CSGALNACT1: variants seen among roughly 807,000 people sequenced by gnomAD.
CSGALNACT1 encodes chondroitin sulfate N-acetylgalactosaminyltransferase 1.
CSGALNACT1 carries 52 observed loss-of-function variants against 51.0 expected under a neutral mutation model. That is an observed-to-expected ratio of 1.02 (90% CI 0.82 to 1.29). The LOEUF (loss-of-function observed/expected upper bound fraction) is 1.29. Ranked by LOEUF, CSGALNACT1 falls within the 50% of genes most tolerant of loss-of-function variation. The pLI, the probability that CSGALNACT1 is intolerant of heterozygous loss-of-function variation, is 0.00. For missense variants in CSGALNACT1, 935 were observed against 679.2 expected, an observed-to-expected ratio of 1.38 and a Z score of -4.19; for synonymous variants, 341 against 254.4, an observed-to-expected ratio of 1.34 and a Z score of -3.24.
intron 1 of CSGALNACT1, among the ~76,000 whole-genome samples, chr8:19,662,477 T>G (rs2058846081): frequency 6.6e-6 from 1 of 152,220 alleles, no homozygotes; most frequent in Non-Finnish European, 1.5e-5. Context: ...GAATCAAAGT[T>G]AAACTGTTAG....
At chr8:19,742,620 T>C (rs926535157) in intron 1 of CSGALNACT1, among the ~76,000 whole-genome samples, 2 of 152,222 alleles carry the variant, frequency 1.3e-5, no homozygotes, top group Non-Finnish European at 2.9e-5. Flanking sequence ...CCTGGGAATT[T>C]TCATCATTGA....
intron 9 of CSGALNACT1, among the ~76,000 whole-genome samples, chr8:19,407,316 G>C: frequency 6.6e-6 from 1 of 152,084 alleles, no homozygotes; most frequent in East Asian, 1.9e-4. Flanking sequence ...AGTAGCTTTA[G>C]GTCTTGGACC....
At chr8:19,619,559 G>A (rs1277520563) in intron 1 of CSGALNACT1, among the ~76,000 whole-genome samples, 1 of 152,120 alleles carries the variant, frequency 6.6e-6, no homozygotes. Context: ...CAACTGAGAA[G>A]GACTGGTGCC....
At chr8:19,460,826 T>C (rs1171039476) in intron 4 of CSGALNACT1, among the ~76,000 whole-genome samples, 6 of 152,194 alleles carry the variant, frequency 3.9e-5, no homozygotes, top group Admixed American at 6.5e-5. Context: ...TTTTTTGCCT[T>C]CTGGGAGCTT....
At chr8:19,654,673 T>G (rs2058102800) in intron 1 of CSGALNACT1, among the ~76,000 whole-genome samples, 1 of 152,098 alleles carries the variant, frequency 6.6e-6, no homozygotes, top group South Asian at 2.1e-4. Flanking sequence ...GGCTCCCAAG[T>G]AGCTGGGACT....
chr8:19,629,887 G>A (rs1432937535), intron 1 of CSGALNACT1, among the ~76,000 whole-genome samples: 1 of 152,286 alleles, frequency 6.6e-6, no homozygotes, highest in South Asian at 2.1e-4. Flanking sequence ...GAAGGAGTAA[G>A]CACGTGAGTC....
intron 3 of CSGALNACT1, among the ~76,000 whole-genome samples, chr8:19,508,450 T>C (rs561108625): frequency 9.9e-5 from 15 of 152,240 alleles, no homozygotes; most frequent in Non-Finnish European, 1.6e-4. Flanking sequence ...AAGTTTAAAG[T>C]GCATGTTTAG....
chr8:19,751,972 G>C (rs1461677120), intron 1 of CSGALNACT1, among the ~76,000 whole-genome samples: 3 of 150,900 alleles, frequency 2.0e-5, no homozygotes, highest in East Asian at 3.9e-4. Context: ...ACTAATACAT[G>C]TGTATATTTA....
At chr8:19,751,674 G>A (rs1194134682) in intron 1 of CSGALNACT1, among the ~76,000 whole-genome samples, 5 of 152,136 alleles carry the variant, frequency 3.3e-5, no homozygotes, top group African/African-American at 1.2e-4. Context: ...GGCCTTGTGG[G>A]AGGTGACTGA....
intron 1 of CSGALNACT1, among the ~76,000 whole-genome samples, chr8:19,647,161 G>C (rs1326671497): frequency 6.6e-6 from 1 of 152,164 alleles, no homozygotes; most frequent in African/African-American, 2.4e-5. Flanking sequence ...GGAGAGGTTA[G>C]CTGACAACTC....
At chr8:19,423,538 T>G (rs916381855) in intron 6 of CSGALNACT1, among the ~76,000 whole-genome samples, 14 of 152,200 alleles carry the variant, frequency 9.2e-5, no homozygotes, top group African/African-American at 3.4e-4. Context: ...TTCTCTCCTC[T>G]GCTGCAACAG....
At chr8:19,692,816 C>T (rs2061398989) in intron 1 of CSGALNACT1, among the ~76,000 whole-genome samples, 1 of 152,188 alleles carries the variant, frequency 6.6e-6, no homozygotes, top group Non-Finnish European at 1.5e-5. Flanking sequence ...TGCCTAGATC[C>T]TTAACCTCCC....
chr8:19,590,283 A>G (rs1306302649), intron 3 of CSGALNACT1, among the ~76,000 whole-genome samples: 1 of 152,232 alleles, frequency 6.6e-6, no homozygotes. Flanking sequence ...GGGAATTCAC[A>G]GAGGCACTTT....
At chr8:19,557,771 A>C (rs989448212) in intron 3 of CSGALNACT1, among the ~76,000 whole-genome samples, 2 of 152,150 alleles carry the variant, frequency 1.3e-5, no homozygotes, top group African/African-American at 4.8e-5. Flanking sequence ...ATGTTATTAT[A>C]AAGCTCTTTG....
exon 5 of CSGALNACT1, chr8:19,458,546 G>T (rs1366831749): frequency 2.5e-6 from 4 of 1,614,048 alleles, no homozygotes; most frequent in Non-Finnish European, 3.4e-6. Flanking sequence ...GGGGCCGAAT[G>T]GTCGAAATAA....
At chr8:19,451,976 G>T (rs547450094) in intron 5 of CSGALNACT1, among the ~76,000 whole-genome samples, 14 of 152,166 alleles carry the variant, frequency 9.2e-5, no homozygotes, top group Non-Finnish European at 1.8e-4. Flanking sequence ...GTGATGCATG[G>T]GAAGGATAAT....
chr8:19,510,923 G>A (rs559792237), intron 3 of CSGALNACT1, among the ~76,000 whole-genome samples: 1 of 152,320 alleles, frequency 6.6e-6, no homozygotes, highest in East Asian at 1.9e-4. Context: ...CTATGACTAG[G>A]ACAGAAGTTG....
At chr8:19,701,377 C>T (rs1424117004) in intron 1 of CSGALNACT1, among the ~76,000 whole-genome samples, 1 of 151,136 alleles carries the variant, frequency 6.6e-6, no homozygotes, top group Non-Finnish European at 1.5e-5. Context: ...TGGCCTCAAA[C>T]TCCTGACCTT....
intron 3 of CSGALNACT1, among the ~76,000 whole-genome samples, chr8:19,581,883 A>G (rs1357660887): frequency 6.6e-6 from 1 of 152,212 alleles, no homozygotes; most frequent in African/African-American, 2.4e-5. Context: ...TGAGCTCACT[A>G]TAATTTCAAA....
Sources: allele counts gnomAD v4.1 joint callset (sites outside exome capture counted in the v4.1 genomes callset), GRCh38; gene constraint gnomAD v4.1.1; transcripts MANE v1.5; gene names NCBI Gene and HGNC (gene_info 2026-07-23, HGNC 2026-07-21).